XDH: variants seen among roughly 807,000 people sequenced by gnomAD.
The protein encoded by XDH is xanthine dehydrogenase.
A neutral mutation model predicts 156.1 loss-of-function variants in XDH; 138 were observed. The ratio of observed to expected loss-of-function variants is 0.88; its 90% confidence interval spans 0.77 to 1.02. The LOEUF (loss-of-function observed/expected upper bound fraction) is 1.02. Ranked by LOEUF, XDH falls within the 50% of genes least tolerant of loss-of-function variation. The pLI, the probability that XDH is intolerant of heterozygous loss-of-function variation, is 0.00. For synonymous variants in XDH, 669 were observed against 625.7 expected (o/e 1.07, Z -1.03); for missense variants, 1,849 against 1,684.9 (o/e 1.10, Z -1.71).
At chr2:31,412,043 G>C (rs1027765323) in intron 1 of XDH, among the ~76,000 whole-genome samples, 4 of 152,130 alleles carry the variant, frequency 2.6e-5, no homozygotes, top group Non-Finnish European at 4.4e-5. Flanking sequence ...ATCACTCCTG[G>C]ACACCTTTGG....
chr2:31,348,907 G>A lies in XDH; in HGVS notation c.3043C>T (p.Leu1015=), dbSNP rs1685374947. The change falls in exon 27 of 36, where the codon CTG becomes TTG. Residue 1015 remains leucine, a synonymous_variant. Transcript: ENST00000379416. ...TTCTATAAAGCAATTACCTGATTCAGAAAAGGAACTGTAAAGCTTATTCCA... is the reference window on the plus strand; with the variant it reads ...TTCTATAAAGCAATTACCTGATTCAAAAAAGGAACTGTAAAGCTTATTCCA... The part of the protein sequence containing the change: ...KFGISFTVPF[L]NQAGALLHVY... The A allele has an allele frequency of 6.2e-7, 1 of 1,613,018 alleles. No homozygotes were observed. The highest frequency in any genetic ancestry group is 8.5e-7 in the Non-Finnish European group (1 of 1,178,938).
chr2:31,344,606 G>C, intron 31 of XDH, 78 bp downstream of exon 31: 3 of 1,540,148 alleles, frequency 1.9e-6, no homozygotes, highest in Non-Finnish European at 2.7e-6. Flanking sequence ...CAGCCTGGCA[G>C]GATTCGGTGC....
At chr2:31,372,805 T>C (rs1686113837) in intron 16 of XDH, among the ~76,000 whole-genome samples, 1 of 152,126 alleles carries the variant, frequency 6.6e-6, no homozygotes, top group Non-Finnish European at 1.5e-5. Flanking sequence ...TAGGAAAAGA[T>C]AATATATGCT....
chr2:31,337,509 G>C (rs376487298), intron 35 of XDH, 132 bp downstream of exon 35: 1 of 1,215,970 alleles, frequency 8.2e-7, no homozygotes, highest in Admixed American at 1.8e-5. Context: ...ACAATGAAGG[G>C]TGGCCATTGA....
intron 6 of XDH, among the ~76,000 whole-genome samples, chr2:31,393,456 A>G (rs1686827322): frequency 6.6e-6 from 1 of 152,190 alleles, no homozygotes; most frequent in Admixed American, 6.5e-5. Flanking sequence ...CGATTAGTAT[A>G]TCATGGTCCA....
At chr2:31,386,988 A>AG (rs1686622828) in intron 8 of XDH, among the ~76,000 whole-genome samples, 1 of 90,508 alleles carries the variant, frequency 1.1e-5, no homozygotes, top group African/African-American at 4.5e-5. Context: ...GGGAGGGAAG[A>AG]AAGGAAGGAA....
intron 6 of XDH, among the ~76,000 whole-genome samples, chr2:31,391,315 G>T (rs1686755731): frequency 6.6e-6 from 1 of 152,052 alleles, no homozygotes; most frequent in South Asian, 2.1e-4. Context: ...TCTCTATTCT[G>T]TTCCATTGAT....
intron 17 of XDH, 102 bp from the exon 18 acceptor site, chr2:31,370,580 A>G: frequency 6.8e-7 from 1 of 1,469,872 alleles, no homozygotes; most frequent in Non-Finnish European, 9.4e-7. Flanking sequence ...GCTTGGCTCC[A>G]TCCTAATTCC....
chr2:31,339,453 A>T (rs573674425), intron 34 of XDH, 36 bp downstream of exon 34: 1 of 1,613,058 alleles, frequency 6.2e-7, no homozygotes, highest in African/African-American at 1.3e-5. Flanking sequence ...CCCAGGGCAG[A>T]TCAGAAGAGA....
At chr2:31,395,882 C>A (rs1686890100) in intron 6 of XDH, among the ~76,000 whole-genome samples, 1 of 152,178 alleles carries the variant, frequency 6.6e-6, no homozygotes, top group South Asian at 2.1e-4. Context: ...ACATGCCAGA[C>A]CAGAAACTGG....
At chr2:31,405,517 A>T (rs1018234134) in intron 2 of XDH, among the ~76,000 whole-genome samples, 14 of 152,054 alleles carry the variant, frequency 9.2e-5, no homozygotes, top group African/African-American at 3.4e-4. Context: ...CCCTCCACCT[A>T]GGCAGAGCTG....
rs1467439363 is a variant in XDH, at chr2:31,349,803, CCTT to C, written c.2849_2851del (p.Glu950del). The stretch of plus-strand genomic sequence containing the variant: ...CTTCTGGTTGAAGTGTGTCAGGTCC[CCTT>C]CTTTGTACAGGTTTTTTCTCCGCAC... On this transcript the variant is annotated inframe_deletion, in exon 26 of 36. Coordinates refer to ENST00000379416, the MANE Select transcript of XDH (RefSeq NM_000379.4). 2 of 1,613,998 alleles carry C rather than the reference CCTT, an allele frequency of 1.2e-6. No individual in the cohort carries two copies. Among genetic ancestry groups the C allele is most frequent in the Non-Finnish European group, 1.7e-6 (2 of 1,180,044 alleles).
At position 31,337,684 on chromosome 2, in the gene XDH, G is replaced by C. The variant is rs763712363; in HGVS notation, c.3908C>G (p.Pro1303Arg). 1.2e-6 allele frequency: 2 copies of C among 1,614,208 alleles called. No homozygotes were observed. The highest frequency in any genetic ancestry group is 8.5e-7 in the Non-Finnish European group (1 of 1,180,050). ...ELFRLDSPAT[P>R]EKIRNACVDK... The stretch of plus-strand genomic sequence containing the variant: ...CACGCAGGCATTGCGGATCTTCTCC[G>C]GGGTGGCAGGGCTGTCTAGCCGGAA... The change falls in exon 35 of 36, where the codon CCG (proline) becomes CGG (arginine). Residue 1303 changes from proline to arginine, a missense_variant. Coordinates refer to ENST00000379416, the MANE Select transcript of XDH (RefSeq NM_000379.4).
intron 24 of XDH, among the ~76,000 whole-genome samples, chr2:31,350,943 AACT>A (rs45491299): frequency 0.66 from 99,498 of 151,762 alleles, 32,810 homozygotes; most frequent in East Asian, 0.78. Flanking sequence ...CTCCAGAAGC[AACT>A]ACTTACAATT....
intron 34 of XDH, 105 bp downstream of exon 34, chr2:31,339,384 G>T (rs1685058946): frequency 6.9e-7 from 1 of 1,456,430 alleles, no homozygotes; most frequent in Non-Finnish European, 9.6e-7. Flanking sequence ...CTCAAGATAT[G>T]CCCTTTGAAG....
intron 33 of XDH, among the ~76,000 whole-genome samples, chr2:31,341,019 C>T (rs207445): frequency 0.052 from 7,908 of 152,254 alleles, 228 homozygotes; most frequent in South Asian, 0.068. Context: ...CCCCATTCTA[C>T]GTTGTGCTCA....
chr2:31,374,290 C>T (rs1232028897), intron 15 of XDH, among the ~76,000 whole-genome samples: 1 of 152,212 alleles, frequency 6.6e-6, no homozygotes, highest in East Asian at 1.9e-4. Context: ...TCCTTGCCCT[C>T]CTCAATTCTG....
intron 9 of XDH, among the ~76,000 whole-genome samples, chr2:31,385,697 C>T (rs950082932): frequency 5.9e-5 from 9 of 152,224 alleles, no homozygotes; most frequent in African/African-American, 1.7e-4. Flanking sequence ...AGCACTGGGG[C>T]TGAGAGGTGC....
In XDH at chr2:31,335,965, C is replaced by T; in HGVS notation, c.3995G>A (p.Arg1332Lys). Residue 1332 changes from arginine (R) to lysine (K), a missense_variant, in exon 36 of 36, where the codon AGG (arginine) becomes AAG (lysine). Arg to Lys is a conservative substitution (Grantham distance 26). Coordinates refer to ENST00000379416, the MANE Select transcript of XDH (RefSeq NM_000379.4). ...CTGCTGAGGACTCTCTCTTTAGACC[C>T]TCACAGACCAGGGTTTGCAGTTTTC... is the stretch of plus-strand genomic sequence containing the variant. ...VPENCKPWSV[R>K]V is the part of the protein sequence containing the mutation. 1 of 1,614,228 alleles carries T rather than the reference C, an allele frequency of 6.2e-7. No homozygotes were observed. The highest frequency in any genetic ancestry group is 2.2e-5 in the East Asian group (1 of 44,886).
Sources: allele counts gnomAD v4.1 joint callset (sites outside exome capture counted in the v4.1 genomes callset), GRCh38; gene constraint gnomAD v4.1.1; transcripts MANE v1.5; gene names NCBI Gene and HGNC (gene_info 2026-07-23, HGNC 2026-07-21).